ZFYVE1: variants seen among roughly 807,000 people sequenced by gnomAD.
The protein encoded by ZFYVE1 is zinc finger FYVE-type containing 1.
In ZFYVE1, 30 loss-of-function variants were observed where a neutral mutation model predicts 74.4. The ratio of observed to expected loss-of-function variants is 0.40; its 90% CI spans 0.30 to 0.55. ZFYVE1 has a LOEUF of 0.55. ZFYVE1 is among the 20% of genes least tolerant of loss of function. ZFYVE1 has a pLI of 0.42. For missense variants in ZFYVE1, 703 were observed against 1,011.6 expected (o/e 0.69, Z 4.14); for synonymous variants, 335 against 385.1 (o/e 0.87, Z 1.52).
In ZFYVE1 at chr14:72,998,327, A is replaced by AAC. The variant is rs763577078; in HGVS notation, c.484-13_484-12insGT. 3.8e-5 allele frequency: 58 copies of AAC among 1,509,570 alleles called. No homozygotes were observed. Among genetic ancestry groups the AAC allele is most frequent in the Non-Finnish European group, 5.0e-5 (57 of 1,134,534 alleles). The allele number at this position is 1,509,570 out of a possible 1,614,324, so 93.5% of individuals were successfully genotyped here. ...TCTTCATTTGTTACCTGCAAAAAAA[A>AAC]AAAAAAAGACCATGAAATACAGAAA... On this transcript the variant is annotated splice_polypyrimidine_tract_variant and intron_variant, in intron 2 of 11. Transcript: ENST00000556143.
At chr14:72,997,436 G>A (rs1258969539) in intron 3 of ZFYVE1, among the ~76,000 whole-genome samples, 2 of 151,962 alleles carry the variant, frequency 1.3e-5, no homozygotes, top group African/African-American at 2.4e-5. Context: ...GGGCTCAAGG[G>A]ATTCTCCCAC....
chr14:72,970,867 G>C lies in ZFYVE1; in HGVS notation c.*15C>G. 1 of 1,613,120 alleles carries C rather than the reference G, an allele frequency of 6.2e-7. No individual in the cohort carries two copies. The highest frequency in any genetic ancestry group is 1.1e-5 in the South Asian group (1 of 91,034). ...AACCTAAGGAATTGTGAAGGACTCG[G>C]AGAGGGGGCTGGGGTTAAAGGTCAC... is the stretch of plus-strand genomic sequence containing the variant. On this transcript the variant is annotated 3_prime_UTR_variant, in exon 12 of 12. Coordinates refer to ENST00000556143, the MANE Select transcript of ZFYVE1 (RefSeq NM_021260.4).
chr14:72,973,760 C>T (rs1029519072), intron 11 of ZFYVE1, among the ~76,000 whole-genome samples: 8 of 152,160 alleles, frequency 5.3e-5, no homozygotes, highest in Non-Finnish European at 1.2e-4. Context: ...GTAACTAGAG[C>T]CAATGCCACT....
intron 2 of ZFYVE1, among the ~76,000 whole-genome samples, chr14:73,018,346 G>A (rs1301555581): frequency 4.0e-5 from 6 of 148,578 alleles, no homozygotes; most frequent in Admixed American, 3.4e-4. Context: ...AAGGAGAATC[G>A]CTTGAACCCG....
intron 11 of ZFYVE1, among the ~76,000 whole-genome samples, chr14:72,972,550 T>C (rs61988556): frequency 0.079 from 12,064 of 152,228 alleles, 507 homozygotes; most frequent in African/African-American, 0.11. Context: ...TCATCACTAC[T>C]CACTTTTGCT....
chr14:72,993,472 G>A (rs1026001465), intron 3 of ZFYVE1, 115 bp from the exon 4 acceptor site: 5 of 906,142 alleles, frequency 5.5e-6, no homozygotes, highest in Admixed American at 2.9e-5. Context: ...GGAGGCCAAG[G>A]TGGGTGGATC....
In ZFYVE1 at chr14:73,025,322, G is replaced by A. The variant is rs112890174; in HGVS notation, c.-434-380C>T. The stretch of plus-strand genomic sequence containing the variant: ...GACCCCAGGTGATCTGCCCGCCTTG[G>A]CCTCCCAAAGTGCTGGGATTACAGG... On this transcript the variant is annotated intron_variant, in intron 1 of 11. Coordinates refer to ENST00000556143, the MANE Select transcript of ZFYVE1 (RefSeq NM_021260.4). 3.6e-3 allele frequency among the ~76,000 whole-genome samples: 549 copies of A among 151,924 alleles called. 3 individuals carry two copies. The highest frequency in any genetic ancestry group is 0.012 in the African/African-American group (507 of 41,494).
At chr14:72,988,835 CCAAAT>C (rs2140358329) in intron 4 of ZFYVE1, among the ~76,000 whole-genome samples, 2 of 146,344 alleles carry the variant, frequency 1.4e-5, no homozygotes, top group Non-Finnish European at 3.0e-5. Context: ...TGAAAATAAA[CCAAAT>C]CATAGAATAA....
chr14:73,011,400 C>T (rs543222132), intron 2 of ZFYVE1, among the ~76,000 whole-genome samples: 97 of 152,078 alleles, frequency 6.4e-4, no homozygotes, highest in Admixed American at 4.6e-3. Context: ...GGTGGAAGGA[C>T]GGCTTGAGCC....
chr14:73,023,341 TTATATATAA>T (rs1894377970), intron 2 of ZFYVE1, among the ~76,000 whole-genome samples: 1 of 110,576 alleles, frequency 9.0e-6, no homozygotes, highest in African/African-American at 3.8e-5. Flanking sequence ...TATATATGTT[TTATATATAA>T]TATATATTAT....
intron 2 of ZFYVE1, among the ~76,000 whole-genome samples, chr14:73,010,658 T>A (rs1035122542): frequency 6.6e-6 from 1 of 150,774 alleles, no homozygotes; most frequent in African/African-American, 2.4e-5. Flanking sequence ...TGATCCCAGC[T>A]ACTCTGGAGG....
chr14:72,970,795 G>T lies in ZFYVE1; in HGVS notation c.*87C>A. 1 of 1,389,558 alleles carries T rather than the reference G, an allele frequency of 7.2e-7. No individual in the cohort carries two copies. Among genetic ancestry groups the T allele is most frequent in the Non-Finnish European group, 9.9e-7 (1 of 1,010,644 alleles). 86.1% of individuals were successfully genotyped at this position (1,389,558 alleles called of 1,614,324 possible). ...GAGGAGAGGACACACACCACAGCAG[G>T]TGACTGGGAGGAGGGCCTACCTCGC... On this transcript the variant is annotated 3_prime_UTR_variant, in exon 12 of 12. Transcript: ENST00000556143.
chr14:72,979,652 T>TAA (rs201080829), intron 5 of ZFYVE1, among the ~76,000 whole-genome samples: 3 of 137,114 alleles, frequency 2.2e-5, no homozygotes, highest in South Asian at 2.3e-4. Flanking sequence ...ACTCTGTCTT[T>TAA]AAAAAAAAAA....
chr14:72,997,776 A>C (rs749908383), intron 3 of ZFYVE1, 35 bp downstream of exon 3: 2 of 1,542,044 alleles, frequency 1.3e-6, no homozygotes, highest in South Asian at 2.5e-5. Flanking sequence ...TGTACCCATA[A>C]AGGTTGAGCT....
At chr14:72,988,175 ATTT>A (rs34995252) in intron 4 of ZFYVE1, among the ~76,000 whole-genome samples, 2 of 139,978 alleles carry the variant, frequency 1.4e-5, no homozygotes, top group Non-Finnish European at 1.5e-5. Context: ...GGCTAACAAC[ATTT>A]TTTTTTTTTT....
chr14:72,980,553 A>G (rs1303102469), intron 5 of ZFYVE1, among the ~76,000 whole-genome samples: 3 of 135,654 alleles, frequency 2.2e-5, no homozygotes, highest in East Asian at 4.0e-4. Flanking sequence ...TTATTTATTT[A>G]TTTATTTATT....
At chr14:72,980,540 T>A (rs60391092) in intron 5 of ZFYVE1, among the ~76,000 whole-genome samples, 2,429 of 92,684 alleles carry the variant, frequency 0.026, 31 homozygotes, top group East Asian at 0.06. Flanking sequence ...TTAATTAATT[T>A]ATTTATTTAT....
At chr14:72,981,682 T>C (rs1476510029) in intron 5 of ZFYVE1, 107 bp downstream of exon 5, 1 of 1,033,188 alleles carries the variant, frequency 9.7e-7, no homozygotes, top group Non-Finnish European at 1.5e-6. Flanking sequence ...ACCTGTAATT[T>C]AGCAAGATCC....
At chr14:73,002,978 G>A (rs1186621178) in intron 2 of ZFYVE1, among the ~76,000 whole-genome samples, 6 of 150,894 alleles carry the variant, frequency 4.0e-5, no homozygotes, top group African/African-American at 1.5e-4. Context: ...TCCTGACCTC[G>A]TGATCCGCCC....
Sources: allele counts gnomAD v4.1 joint callset (sites outside exome capture counted in the v4.1 genomes callset), GRCh38; gene constraint gnomAD v4.1.1; transcripts MANE v1.5; gene names NCBI Gene and HGNC (gene_info 2026-07-23, HGNC 2026-07-21).